The following PLEK variants were observed in gnomAD, a reference collection of about 807,000 sequenced individuals.
PLEK encodes the protein platelet 47 kDa protein.
A neutral mutation model predicts 43.9 loss-of-function variants in PLEK; 25 were observed. The observed-to-expected ratio is 0.57, with a 90% CI of 0.41 to 0.79. PLEK has a LOEUF of 0.79. PLEK is among the 30% of genes least tolerant of loss of function. The probability of loss-of-function intolerance (pLI) is 0.00; values close to 1 mark genes in which losing one functional copy is unlikely to be tolerated. For synonymous variants in PLEK, 152 were observed against 144.4 expected, an observed-to-expected ratio of 1.05 and a Z score of -0.38; for missense variants, 396 against 413.3, an observed-to-expected ratio of 0.96 and a Z score of 0.36.
chr2:68,393,340 C>T (rs1263919968), intron 7 of PLEK, 95 bp downstream of exon 7: 1 of 827,180 alleles, frequency 1.2e-6, no homozygotes, highest in Non-Finnish European at 2.1e-6. Context: ...TGTTGATATC[C>T]CCTTTTTCTC....
At chr2:68,376,781 C>T (rs987003620) in intron 1 of PLEK, among the ~76,000 whole-genome samples, 3 of 152,092 alleles carry the variant, frequency 2.0e-5, no homozygotes, top group Non-Finnish European at 4.4e-5. Context: ...AATCCAATTA[C>T]GCTCTTTTAG....
At chr2:68,368,110 C>A (rs780368820) in intron 1 of PLEK, among the ~76,000 whole-genome samples, 1 of 152,162 alleles carries the variant, frequency 6.6e-6, no homozygotes, top group African/African-American at 2.4e-5. Context: ...ATTTCACAAT[C>A]CAGGTTTCCT....
intron 1 of PLEK, among the ~76,000 whole-genome samples, chr2:68,369,553 G>A (rs1030467479): frequency 3.4e-5 from 5 of 148,630 alleles, no homozygotes; most frequent in Admixed American, 6.8e-5. Flanking sequence ...GTACGATCTC[G>A]GCTCACTGCA....
rs972070743 is a variant in PLEK at position 68,373,279 on chromosome 2, T to G, written c.43-7049T>G. ...GGCCTGGAAGGATGTTTAAGCTTTG[T>G]AAGTGGTCAGATTTCTCTTGTTTCA... On this transcript the variant is annotated intron_variant, in intron 1 of 8. Transcript: ENST00000234313. Among the ~76,000 whole-genome samples, 7 of 152,162 alleles carry G rather than the reference T, an allele frequency of 4.6e-5. No homozygotes were observed. The East Asian group carries it at 1.4e-3, about 29-fold the overall frequency.
Position 68,395,919 on chromosome 2 carries a change from G to A in PLEK, c.*103G>A, listed in dbSNP as rs1673954546. On this transcript the variant is annotated 3_prime_UTR_variant, in exon 9 of 9. Transcript: ENST00000234313. ...ACAAATCAACGGGAAACAGCCCAGG[G>A]GTGGGAAGTTTTCATTTGCAGGGGG... 4.7e-6 allele frequency: 5 copies of A among 1,061,056 alleles called. No individual in the cohort carries two copies. The highest frequency in any genetic ancestry group is 2.2e-5 in the Admixed American group (1 of 45,292). 65.7% of individuals were successfully genotyped at this position (1,061,056 alleles called of 1,614,324 possible).
At chr2:68,369,361 T>C (rs1231567890) in intron 1 of PLEK, among the ~76,000 whole-genome samples, 1 of 152,136 alleles carries the variant, frequency 6.6e-6, no homozygotes, top group Admixed American at 6.5e-5. Context: ...ACTTTCTATG[T>C]GGCCCTCGTG....
chr2:68,367,109 T>C (rs1295851603), intron 1 of PLEK, among the ~76,000 whole-genome samples: 3 of 152,218 alleles, frequency 2.0e-5, no homozygotes, highest in African/African-American at 4.8e-5. Context: ...AAAATGTGCC[T>C]GGAATTAAAT....
chr2:68,395,108 G>A (rs1210242944), intron 8 of PLEK, among the ~76,000 whole-genome samples: 7 of 151,914 alleles, frequency 4.6e-5, no homozygotes, highest in African/African-American at 1.5e-4. Context: ...CTGACTTAGT[G>A]CTTGATGAAA....
rs764469155 is a variant in PLEK at position 68,394,116 on chromosome 2, C to T, written c.856C>T (p.Pro286Ser). 1.2e-6 allele frequency: 2 copies of T among 1,605,508 alleles called. No individual in the cohort carries two copies. The highest frequency in any genetic ancestry group is 1.7e-6 in the Non-Finnish European group (2 of 1,172,248). The change falls in exon 8 of 9, where the codon CCC becomes TCC. Residue 286 changes from proline to serine, a missense_variant. By Grantham distance (74) the Pro-to-Ser change is moderately conservative (BLOSUM62 -1). Transcript: ENST00000234313. ...CTCCTTTCTTCTTTAGGCAGAAGATCCCCTGGGAGCAATTCACTTGAGAGG... is the reference window on the plus strand; with the variant it reads ...CTCCTTTCTTCTTTAGGCAGAAGATTCCCTGGGAGCAATTCACTTGAGAGG... Reference protein sequence around the residue: ...HYYDPAGAEDPLGAIHLRGCV... With the variant: ...HYYDPAGAEDSLGAIHLRGCV...
chr2:68,386,285 A>G (rs1212868289), intron 4 of PLEK, among the ~76,000 whole-genome samples: 1 of 152,082 alleles, frequency 6.6e-6, no homozygotes, highest in East Asian at 1.9e-4. Context: ...CTTAAGCAGC[A>G]TGTAGATGTT....
At position 68,395,802 on chromosome 2, in the gene PLEK, C is replaced by A. The variant is rs376035844; in HGVS notation, c.1039C>A (p.Arg347=). Residue 347 remains arginine (R), a synonymous_variant, in exon 9 of 9, where the codon CGA becomes AGA. Transcript: ENST00000234313. ...GATCAGAGCCATCCAGATGGCCTCC[C>A]GAACTGGGAAGTAAAGAGACTCCTG... ...EWIRAIQMAS[R]TGK is the part of the protein sequence containing the mutation. 11 of 1,613,396 alleles carry A rather than the reference C, an allele frequency of 6.8e-6. No individual in the cohort carries two copies. In the African/African-American group the frequency reaches 1.3e-4, roughly 20 times the overall value.
intron 6 of PLEK, 139 bp downstream of exon 6, chr2:68,388,630 T>C: frequency 1.9e-6 from 1 of 539,954 alleles, no homozygotes; most frequent in Non-Finnish European, 3.4e-6. Flanking sequence ...GATAGATGAG[T>C]AGCTCTTTAG....
intron 1 of PLEK, among the ~76,000 whole-genome samples, chr2:68,369,887 A>T (rs1399177447): frequency 2.6e-5 from 4 of 152,318 alleles, no homozygotes; most frequent in Admixed American, 2.6e-4. Context: ...TTCACTGATA[A>T]ATTTTCCAAC....
At chr2:68,389,342 C>T (rs974701285) in intron 6 of PLEK, among the ~76,000 whole-genome samples, 17 of 152,208 alleles carry the variant, frequency 1.1e-4, no homozygotes, top group African/African-American at 4.1e-4. Context: ...CTGTGAGCTG[C>T]CTTAAAAGTG....
In PLEK at chr2:68,380,444, C is replaced by A; in HGVS notation, c.159C>A (p.Ser53Arg). The A allele has an allele frequency of 6.2e-7, 1 of 1,613,926 alleles. No homozygotes were observed. The highest frequency in any genetic ancestry group is 8.5e-7 in the Non-Finnish European group (1 of 1,179,820). ...SPKGMIPLKG[S>R]TLTSPCQDFG... ...AAGGAATGATCCCGCTGAAAGGGAG[C>A]ACTCTGACTAGCCCTTGTCAAGACT... is the stretch of plus-strand genomic sequence containing the variant. Residue 53 changes from serine to arginine, a missense_variant, in exon 2 of 9, where the codon AGC (serine) becomes AGA (arginine). Physicochemically the swap from Ser to Arg is moderately radical, Grantham distance 110. Transcript: ENST00000234313.
At position 68,365,293 on chromosome 2, in the gene PLEK, G is replaced by A. The variant is rs907100100; in HGVS notation, c.-59G>A. 1.0e-5 allele frequency: 15 copies of A among 1,472,166 alleles called. No homozygotes were observed. In the African/African-American group the frequency reaches 1.7e-4, roughly 16 times the overall value. The allele number at this position is 1,472,166 out of a possible 1,614,324, so 91.2% of individuals were successfully genotyped here. Reference sequence around the variant, plus strand: ...ACAGCCACCTCAGCATGCAGAGGAGGCCCAGCTGCTGAGAGGAGTTGCCTG... The same window carrying A: ...ACAGCCACCTCAGCATGCAGAGGAGACCCAGCTGCTGAGAGGAGTTGCCTG... On this transcript the variant is annotated 5_prime_UTR_variant, in exon 1 of 9. Transcript: ENST00000234313.
At chr2:68,392,356 T>C (rs953645552) in intron 6 of PLEK, among the ~76,000 whole-genome samples, 1 of 152,202 alleles carries the variant, frequency 6.6e-6, no homozygotes, top group African/African-American at 2.4e-5. Flanking sequence ...CTTACCATCT[T>C]TTCCTGGGCT....
chr2:68,365,314 G>A lies in PLEK; in HGVS notation c.-38G>A, dbSNP rs1673243962. The A allele has an allele frequency of 1.2e-6, 2 of 1,602,974 alleles. No homozygotes were observed. Among genetic ancestry groups the A allele is most frequent in the South Asian group, 1.1e-5 (1 of 90,890 alleles). ...GGAGGCCCAGCTGCTGAGAGGAGTT[G>A]CCTGAGAGTGACCTTTGCATCTGCC... On this transcript the variant is annotated 5_prime_UTR_variant, in exon 1 of 9. Transcript: ENST00000234313.
At chr2:68,377,007 T>C (rs149051040) in intron 1 of PLEK, among the ~76,000 whole-genome samples, 357 of 152,300 alleles carry the variant, frequency 2.3e-3, no homozygotes, top group African/African-American at 8.0e-3. Flanking sequence ...CTCACAGATA[T>C]GTGAGAACAT....
Sources: gnomAD v4.1 joint callset for allele counts (sites outside exome capture counted in the v4.1 genomes callset) on GRCh38, gnomAD v4.1.1 for gene constraint, MANE v1.5 for transcripts, NCBI Gene and HGNC (gene_info 2026-07-23, HGNC 2026-07-21) for gene names.